FMNL2: variants seen among roughly 807,000 people sequenced by gnomAD.
FMNL2 encodes the protein formin like 2.
FMNL2 carries 51 observed loss-of-function variants against 130.2 expected under a neutral mutation model. The ratio of observed to expected loss-of-function variants is 0.39; its 90% confidence interval spans 0.31 to 0.49. FMNL2 has a LOEUF of 0.49. FMNL2 is among the 20% of genes least tolerant of loss of function. FMNL2 has a pLI of 0.85. For synonymous variants in FMNL2, 465 were observed against 467.1 expected (o/e 1.00, Z 0.06); for missense variants, 977 against 1,316.2 (o/e 0.74, Z 3.99).
intron 1 of FMNL2, among the ~76,000 whole-genome samples, chr2:152,449,506 C>T (rs1381244362): frequency 6.6e-6 from 1 of 152,118 alleles, no homozygotes; most frequent in Non-Finnish European, 1.5e-5. Flanking sequence ...TGCAGGGAAG[C>T]ACCGGTCAAG....
At chr2:152,475,382 C>T (rs968924495) in intron 1 of FMNL2, among the ~76,000 whole-genome samples, 3 of 152,204 alleles carry the variant, frequency 2.0e-5, no homozygotes, top group Admixed American at 2.0e-4. Context: ...TGTCCAACCT[C>T]TTAGACCAAG....
chr2:152,581,833 T>A (rs569340905), intron 9 of FMNL2, among the ~76,000 whole-genome samples: 1 of 152,328 alleles, frequency 6.6e-6, no homozygotes, highest in Admixed American at 6.5e-5. Context: ...AATAGGACCC[T>A]TCGCCAAGTT....
chr2:152,364,241 A>G lies in FMNL2; in HGVS notation c.117+28521A>G, dbSNP rs1683355646. 2.2e-5 allele frequency among the ~76,000 whole-genome samples: 3 copies of G among 136,232 alleles called. No individual in the cohort carries two copies. In the South Asian group the frequency reaches 7.3e-4, roughly 33 times the overall value. The allele number at this position is 136,232 out of a possible 152,430, so 89.4% of individuals were successfully genotyped here. On this transcript the variant is annotated intron_variant, in intron 1 of 25. Coordinates refer to ENST00000288670, the MANE Select transcript of FMNL2 (RefSeq NM_052905.4). ...TTTTCACATCCTTTAGGAGTTTCAC[A>G]TCCGTTAGGAGGTTTGTGTGTTTTT...
intron 1 of FMNL2, among the ~76,000 whole-genome samples, chr2:152,492,868 A>T (rs116460935): frequency 1.3e-5 from 2 of 152,106 alleles, no homozygotes; most frequent in Non-Finnish European, 2.9e-5. Flanking sequence ...AAAATAGCCG[A>T]TATATTATTA....
intron 1 of FMNL2, among the ~76,000 whole-genome samples, chr2:152,519,724 T>G (rs1313147997): frequency 1.3e-5 from 2 of 152,248 alleles, no homozygotes; most frequent in East Asian, 3.8e-4. Context: ...TGGAGAAGAT[T>G]ATGTCTATCC....
intron 16 of FMNL2, 100 bp from the exon 17 acceptor site, chr2:152,626,425 T>A (rs1681789875): frequency 1.0e-6 from 1 of 954,410 alleles, no homozygotes; most frequent in South Asian, 1.7e-5. Context: ...AAGTACTTAA[T>A]AGAAAAAGTG....
intron 6 of FMNL2, among the ~76,000 whole-genome samples, chr2:152,570,931 A>G (rs760241448): frequency 5.9e-5 from 9 of 152,252 alleles, no homozygotes; most frequent in Non-Finnish European, 1.0e-4. Flanking sequence ...AAACTTTTTC[A>G]GAACTCTAGA....
chr2:152,509,050 A>G lies in FMNL2; in HGVS notation c.118-12893A>G, dbSNP rs73968042. 5.7e-3 allele frequency among the ~76,000 whole-genome samples: 874 copies of G among 152,334 alleles called. 12 individuals are homozygous for G. Among genetic ancestry groups the G allele is most frequent in the African/African-American group, 0.02 (832 of 41,566 alleles). On this transcript the variant is annotated intron_variant, in intron 1 of 25. Transcript: ENST00000288670. ...TGGTGCATGCAGTGCACATGTCACC[A>G]TGCTTCCTTGTTTTAGGCTGAAACC...
chr2:152,620,445 C>T (rs545421678), intron 15 of FMNL2, among the ~76,000 whole-genome samples: 4 of 152,164 alleles, frequency 2.6e-5, no homozygotes, highest in Admixed American at 1.3e-4. Context: ...TTTTGACTCA[C>T]GGAAACAAAG....
chr2:152,413,593 C>G (rs912698037), intron 1 of FMNL2, among the ~76,000 whole-genome samples: 1 of 152,068 alleles, frequency 6.6e-6, no homozygotes, highest in African/African-American at 2.4e-5. Flanking sequence ...ATGGTGTCCC[C>G]CAGAAAAGTA....
At position 152,611,590 on chromosome 2, in the gene FMNL2, G is replaced by A; in HGVS notation, c.1047G>A (p.Leu349=). 6.3e-7 allele frequency: 1 copy of A among 1,597,588 alleles called. No individual in the cohort carries two copies. Among genetic ancestry groups the A allele is most frequent in the Non-Finnish European group, 8.6e-7 (1 of 1,169,310 alleles). Residue 349 remains leucine, a synonymous_variant, in exon 11 of 26, where the codon CTG becomes CTA. Transcript: ENST00000288670. ...HLQYEFTKLG[L]DEYLDKLKHT... is the part of the protein sequence containing the mutation. ...AGTATGAATTTACCAAATTAGGCCT[G>A]GACGAATACTTGGACGTGAGTATAG... is the stretch of plus-strand genomic sequence containing the variant.
At chr2:152,467,773 C>T (rs764091259) in intron 1 of FMNL2, among the ~76,000 whole-genome samples, 29 of 152,158 alleles carry the variant, frequency 1.9e-4, no homozygotes, top group Non-Finnish European at 3.4e-4. Context: ...TTCTTTCTTC[C>T]GAGAGCAGGC....
chr2:152,539,870 G>T (rs983431925), intron 2 of FMNL2, among the ~76,000 whole-genome samples: 1 of 152,088 alleles, frequency 6.6e-6, no homozygotes, highest in Admixed American at 6.6e-5. Flanking sequence ...TTTTATTATT[G>T]TAAAAATAAA....
intron 25 of FMNL2, chr2:152,643,601 C>T (rs1008377923): frequency 3.3e-6 from 5 of 1,516,102 alleles, no homozygotes; most frequent in Non-Finnish European, 4.4e-6. Flanking sequence ...TCAGGGCCCA[C>T]CAACATGCTA....
At position 152,619,175 on chromosome 2, in the gene FMNL2, G is replaced by A; in HGVS notation, c.1627+17G>A. ...CTGAAACAGGTAAGAAGCCTTGGCA[G>A]GAGGACTGAGGAAGTTTTGGAATAT... On this transcript the variant is annotated intron_variant, in intron 14 of 25. Transcript: ENST00000288670. The A allele has an allele frequency of 6.5e-7, 1 of 1,530,520 alleles. No individual in the cohort carries two copies. The highest frequency in any genetic ancestry group is 2.3e-5 in the East Asian group (1 of 44,142). 94.8% of individuals were successfully genotyped at this position (1,530,520 alleles called of 1,614,324 possible). A position where few individuals can be genotyped will look rare whatever the true frequency, so the allele number is the denominator to read the frequency against.
intron 2 of FMNL2, among the ~76,000 whole-genome samples, chr2:152,529,817 C>T (rs1260312159): frequency 1.3e-5 from 2 of 152,132 alleles, no homozygotes; most frequent in African/African-American, 2.4e-5. Flanking sequence ...AAACAATTAT[C>T]CCTTTTAAAA....
At chr2:152,570,010 C>CA (rs139817108) in intron 6 of FMNL2, among the ~76,000 whole-genome samples, 4,515 of 145,938 alleles carry the variant, frequency 0.031, 247 homozygotes, top group African/African-American at 0.1. Flanking sequence ...GACTCTGTCT[C>CA]AAAAAAAAAA....
At chr2:152,505,713 C>T (rs1263871808) in intron 1 of FMNL2, among the ~76,000 whole-genome samples, 1 of 152,192 alleles carries the variant, frequency 6.6e-6, no homozygotes, top group African/African-American at 2.4e-5. Context: ...TCATCGGGCT[C>T]CAGCCGGCTC....
In FMNL2 at chr2:152,632,153, TA is replaced by T; in HGVS notation, c.2680+17del. On this transcript the variant is annotated intron_variant, in intron 21 of 25. Transcript: ENST00000288670. ...GCTGCTGCAGGTACTTGATTTCAGC[TA>T]TTACCGTTCGTCTTGGGTATTTAAT... 6.2e-7 allele frequency: 1 copy of T among 1,607,238 alleles called. No individual in the cohort carries two copies. The highest frequency in any genetic ancestry group is 1.3e-5 in the African/African-American group (1 of 74,776).
Sources: gnomAD v4.1 joint callset for allele counts (sites outside exome capture counted in the v4.1 genomes callset) on GRCh38, gnomAD v4.1.1 for gene constraint, MANE v1.5 for transcripts, NCBI Gene and HGNC (gene_info 2026-07-23, HGNC 2026-07-21) for gene names.